The following GADL1 variants were observed in gnomAD, a reference collection of about 807,000 sequenced individuals.
GADL1 encodes acidic amino acid decarboxylase GADL1.
GADL1 carries 71 observed loss-of-function variants against 69.5 expected under a neutral mutation model. The ratio of observed to expected loss-of-function variants is 1.02; its 90% CI spans 0.84 to 1.25. GADL1 has a LOEUF of 1.25. Ranked by LOEUF, GADL1 falls within the 50% of genes most tolerant of loss-of-function variation. The pLI, the probability that GADL1 is intolerant of heterozygous loss-of-function variation, is 0.00. For synonymous variants in GADL1, 254 were observed against 214.4 expected, an observed-to-expected ratio of 1.18 and a Z score of -1.62; for missense variants, 737 against 631.8, an observed-to-expected ratio of 1.17 and a Z score of -1.79.
rs149285387 is a variant in GADL1 at position 30,834,218 on chromosome 3, T to A, written c.967A>T (p.Arg323Trp). 494 of 1,612,236 alleles carry A rather than the reference T, an allele frequency of 3.1e-4. 3 individuals are homozygous for A. The South Asian group carries it at 4.6e-3, about 15-fold the overall frequency. The change falls in exon 10 of 15, where the codon AGG becomes TGG. Residue 323 changes from arginine to tryptophan, a missense_variant and splice_region_variant. Arg to Trp is a moderately radical substitution (Grantham distance 101). Transcript: ENST00000282538. ...KHRKLLHGIH[R>W]ADSVAWNPHK... ...TGTACACCAGGAAACTACATTTACC[T>A]GTGGATGCCATGCAGAAGCTTGCGG...
At chr3:30,870,009 T>C (rs1553603661) in intron 1 of GADL1, among the ~76,000 whole-genome samples, 1 of 151,828 alleles carries the variant, frequency 6.6e-6, no homozygotes, top group Non-Finnish European at 1.5e-5. Context: ...CTGGATGAGG[T>C]GGCATTTGAG....
At chr3:30,786,513 TAC>T in intron 12 of GADL1, 107 bp from the exon 13 acceptor site, 1 of 688,894 alleles carries the variant, frequency 1.5e-6, no homozygotes, top group Non-Finnish European at 2.6e-6. Flanking sequence ...ATAAGAAAGA[TAC>T]AGATAAAGGT....
At chr3:30,764,220 T>TCAGTTA (rs1696212889) in intron 14 of GADL1, among the ~76,000 whole-genome samples, 1 of 107,510 alleles carries the variant, frequency 9.3e-6, no homozygotes, top group Non-Finnish European at 2.0e-5. Flanking sequence ...AGAAAAATTC[T>TCAGTTA]CTTAAGAGAT....
intron 14 of GADL1, among the ~76,000 whole-genome samples, chr3:30,759,645 T>A (rs887598544): frequency 6.6e-6 from 1 of 152,190 alleles, no homozygotes; most frequent in African/African-American, 2.4e-5. Flanking sequence ...TAAACCTGTT[T>A]TTTAAAAGTG....
intron 1 of GADL1, among the ~76,000 whole-genome samples, chr3:30,881,669 A>T (rs1316427001): frequency 6.6e-6 from 1 of 151,938 alleles, no homozygotes; most frequent in Non-Finnish European, 1.5e-5. Context: ...TTACGTTATG[A>T]TCAGTGCTGT....
intron 5 of GADL1, among the ~76,000 whole-genome samples, chr3:30,850,595 T>C (rs1559360913): frequency 1.3e-5 from 2 of 152,178 alleles, no homozygotes; most frequent in East Asian, 3.9e-4. Context: ...AATCGATTCA[T>C]TTGTGTTAGA....
intron 14 of GADL1, among the ~76,000 whole-genome samples, chr3:30,776,724 C>T (rs919851112): frequency 6.6e-6 from 1 of 152,212 alleles, no homozygotes; most frequent in Non-Finnish European, 1.5e-5. Flanking sequence ...ATGTTCTGCC[C>T]TCTTCCTTCT....
rs1475290882 is a variant in GADL1 at position 30,768,815 on chromosome 3, G to T, written c.1392+9364C>A. On this transcript the variant is annotated intron_variant, in intron 14 of 14. Coordinates refer to ENST00000282538, the MANE Select transcript of GADL1 (RefSeq NM_207359.3). ...AACCGGATACCCTGACACCTGTGAT[G>T]CTGTAACTCTATAACATTTTCACAG... Among the ~76,000 whole-genome samples, 3 of 152,168 alleles carry T rather than the reference G, an allele frequency of 2.0e-5. No individual in the cohort carries two copies. The East Asian group carries it at 5.8e-4, about 29-fold the overall frequency.
intron 11 of GADL1, among the ~76,000 whole-genome samples, chr3:30,832,911 G>A (rs2125523151): frequency 8.1e-6 from 1 of 123,952 alleles, no homozygotes; most frequent in East Asian, 3.3e-4. Context: ...CCTAGTTTCT[G>A]ATGGACAGTC....
intron 12 of GADL1, 59 bp downstream of exon 12, chr3:30,800,806 GACACACACACACACACACACACAC>G (rs35529398): frequency 7.8e-5 from 57 of 727,060 alleles, no homozygotes; most frequent in Non-Finnish European, 1.0e-4. Flanking sequence ...GACACAGATA[GACACACACACACACACACACACAC>G]ACACACACAC....
At chr3:30,871,196 G>A (rs1698477274) in intron 1 of GADL1, among the ~76,000 whole-genome samples, 1 of 151,538 alleles carries the variant, frequency 6.6e-6, no homozygotes, top group African/African-American at 2.4e-5. Flanking sequence ...AGAAACTGAG[G>A]AGTTCAGCTG....
At chr3:30,884,251 G>A (rs1698676908) in intron 1 of GADL1, among the ~76,000 whole-genome samples, 2 of 152,022 alleles carry the variant, frequency 1.3e-5, no homozygotes, top group Admixed American at 1.3e-4. Flanking sequence ...CTGAGATGAA[G>A]CCCAGCTGGG....
intron 11 of GADL1, among the ~76,000 whole-genome samples, chr3:30,809,610 A>G (rs1175594789): frequency 6.6e-6 from 1 of 152,120 alleles, no homozygotes; most frequent in African/African-American, 2.4e-5. Flanking sequence ...TCTCCACTCA[A>G]ATCCTCAATT....
chr3:30,779,916 C>T (rs982913351), intron 13 of GADL1, among the ~76,000 whole-genome samples: 2 of 152,174 alleles, frequency 1.3e-5, no homozygotes, highest in African/African-American at 2.4e-5. Context: ...GGAATGCTTT[C>T]CTGGTGTGGT....
chr3:30,772,312 T>TTA (rs2125492920), intron 14 of GADL1, among the ~76,000 whole-genome samples: 1 of 152,334 alleles, frequency 6.6e-6, no homozygotes, highest in African/African-American at 2.4e-5. Flanking sequence ...AGACAGCTTG[T>TTA]TAATTACTTT....
chr3:30,840,386 G>C (rs1024261519), intron 8 of GADL1, among the ~76,000 whole-genome samples: 1 of 152,130 alleles, frequency 6.6e-6, no homozygotes, highest in Non-Finnish European at 1.5e-5. Context: ...TTGGGAGACA[G>C]CTGTGGCAAA....
chr3:30,877,747 T>G (rs1698597209), intron 1 of GADL1, among the ~76,000 whole-genome samples: 1 of 151,940 alleles, frequency 6.6e-6, no homozygotes, highest in Non-Finnish European at 1.5e-5. Context: ...AGGAAGGACT[T>G]TGATTTGACT....
chr3:30,803,105 AAAAT>A (rs1365589833), intron 11 of GADL1, among the ~76,000 whole-genome samples: 1 of 152,224 alleles, frequency 6.6e-6, no homozygotes, highest in Non-Finnish European at 1.5e-5. Context: ...AATAATAAGA[AAAAT>A]AAATATTAGT....
chr3:30,735,507 A>G (rs1695529358), intron 14 of GADL1, among the ~76,000 whole-genome samples: 1 of 152,202 alleles, frequency 6.6e-6, no homozygotes, highest in Non-Finnish European at 1.5e-5. Context: ...TCTCCAATAG[A>G]TTATGCTAAC....
Sources: gnomAD v4.1 joint callset for allele counts (sites outside exome capture counted in the v4.1 genomes callset) on GRCh38, gnomAD v4.1.1 for gene constraint, MANE v1.5 for transcripts, NCBI Gene and HGNC (gene_info 2026-07-23, HGNC 2026-07-21) for gene names.